GAB2: variants seen among roughly 807,000 people sequenced by gnomAD.
GAB2 encodes the protein GRB2-associated-binding protein 2.
A neutral mutation model predicts 65.5 loss-of-function variants in GAB2; 26 were observed. The ratio of observed to expected loss-of-function variants is 0.40; its 90% CI spans 0.29 to 0.55. The LOEUF is 0.55. Among genes scored for constraint, GAB2 ranks in the 20% least tolerant of loss-of-function variants. The pLI is 0.53. For missense variants in GAB2, 884 were observed against 875.8 expected (o/e 1.01, Z -0.12); for synonymous variants, 321 against 329.6 (o/e 0.97, Z 0.28).
At chr11:78,391,208 T>A (rs1183543193) in intron 1 of GAB2, among the ~76,000 whole-genome samples, 3 of 152,076 alleles carry the variant, frequency 2.0e-5, no homozygotes, top group East Asian at 3.9e-4. Context: ...GTTGGGAGAA[T>A]CGCTTGAGCC....
chr11:78,416,190 A>C (rs1168532965), intron 1 of GAB2, among the ~76,000 whole-genome samples: 2 of 152,194 alleles, frequency 1.3e-5, no homozygotes, highest in Non-Finnish European at 2.9e-5. Context: ...ACTCCTAAAA[A>C]TGAGCTTCCG....
chr11:78,289,999 C>T (rs1866611658), intron 1 of GAB2, among the ~76,000 whole-genome samples: 1 of 151,890 alleles, frequency 6.6e-6, no homozygotes, highest in Non-Finnish European at 1.5e-5. Context: ...TAAGAAGTTT[C>T]ATCTTTCCTT....
At chr11:78,346,076 C>T (rs10501426) in intron 1 of GAB2, among the ~76,000 whole-genome samples, 38,982 of 152,006 alleles carry the variant, frequency 0.26, 5,680 homozygotes, top group East Asian at 0.41. Flanking sequence ...TCACAGAGAA[C>T]AGAGTTTGCT....
intron 2 of GAB2, among the ~76,000 whole-genome samples, chr11:78,268,320 TAG>T (rs754357653): frequency 5.3e-5 from 8 of 152,182 alleles, no homozygotes; most frequent in Non-Finnish European, 1.2e-4. Flanking sequence ...GCACAGATCC[TAG>T]AGAGAGAAGA....
intron 1 of GAB2, among the ~76,000 whole-genome samples, chr11:78,283,051 C>G (rs1406909869): frequency 6.6e-6 from 1 of 152,220 alleles, no homozygotes; most frequent in Non-Finnish European, 1.5e-5. Flanking sequence ...ACTTTTACTT[C>G]AAGTGGCCCC....
At chr11:78,357,447 C>A (rs1450722714) in intron 1 of GAB2, among the ~76,000 whole-genome samples, 1 of 152,114 alleles carries the variant, frequency 6.6e-6, no homozygotes, top group African/African-American at 2.4e-5. Context: ...TTCTGTACAG[C>A]AAAAGACACT....
At chr11:78,255,013 C>T (rs561469544) in intron 2 of GAB2, among the ~76,000 whole-genome samples, 1 of 151,878 alleles carries the variant, frequency 6.6e-6, no homozygotes, top group Admixed American at 6.6e-5. Flanking sequence ...CAGAATGTGA[C>T]CTTACTTGAA....
intron 1 of GAB2, among the ~76,000 whole-genome samples, chr11:78,284,467 C>T (rs73496757): frequency 0.028 from 4,225 of 152,330 alleles, 155 homozygotes; most frequent in African/African-American, 0.088. Flanking sequence ...CTCATCCCAC[C>T]CCTCACCTCA....
intron 2 of GAB2, among the ~76,000 whole-genome samples, chr11:78,258,784 G>T (rs1450764846): frequency 2.6e-5 from 4 of 151,774 alleles, no homozygotes; most frequent in Admixed American, 2.6e-4. Flanking sequence ...ACTTTAAATA[G>T]CACATACAAT....
Position 78,291,567 on chromosome 11 carries a change from T to C in GAB2, c.76-10666A>G, listed in dbSNP as rs1310981365. The stretch of plus-strand genomic sequence containing the variant: ...GACTTACTTTTTTCTTTTTCTTTTT[T>C]TTTTTTTTTTTTTTTTTTTTTTGCG... On this transcript the variant is annotated intron_variant, in intron 1 of 9. Coordinates refer to ENST00000361507, the MANE Select transcript of GAB2 (RefSeq NM_080491.3). 5.9e-3 allele frequency among the ~76,000 whole-genome samples: 595 copies of C among 100,656 alleles called. 20 individuals carry two copies. The highest frequency in any genetic ancestry group is 0.025 in the African/African-American group (562 of 22,608). The allele number at this position is 100,656 out of a possible 152,430, so 66.0% of individuals were successfully genotyped here.
At chr11:78,258,110 A>G (rs112900554) in intron 2 of GAB2, among the ~76,000 whole-genome samples, 4,961 of 152,280 alleles carry the variant, frequency 0.033, 257 homozygotes, top group African/African-American at 0.11. Context: ...CTCTATTTAC[A>G]AAAAGAAGAG....
intron 3 of GAB2, among the ~76,000 whole-genome samples, chr11:78,246,630 C>A (rs1049656519): frequency 6.6e-6 from 1 of 152,070 alleles, no homozygotes; most frequent in African/African-American, 2.4e-5. Context: ...ACCTGAGTAG[C>A]TGGGATTACA....
chr11:78,383,524 C>G (rs1856724293), intron 1 of GAB2, among the ~76,000 whole-genome samples: 1 of 139,256 alleles, frequency 7.2e-6, no homozygotes, highest in African/African-American at 2.7e-5. Context: ...TGGACAAAAT[C>G]ATTTGAGCCC....
chr11:78,232,609 G>C (rs1021006653), intron 3 of GAB2, among the ~76,000 whole-genome samples: 1 of 152,182 alleles, frequency 6.6e-6, no homozygotes, highest in East Asian at 1.9e-4. Context: ...ATTTTAGCAA[G>C]AATACATATT....
chr11:78,243,663 AC>A (rs1183286479), intron 3 of GAB2, among the ~76,000 whole-genome samples: 1 of 151,136 alleles, frequency 6.6e-6, no homozygotes, highest in East Asian at 2.0e-4. Flanking sequence ...ACATGGTGAA[AC>A]CCTGTCTCTA....
chr11:78,291,407 G>A (rs1054785214), intron 1 of GAB2, among the ~76,000 whole-genome samples: 4 of 150,336 alleles, frequency 2.7e-5, no homozygotes, highest in Admixed American at 1.3e-4. Flanking sequence ...CAGAGCTTAC[G>A]GTGAGCGGAG....
At chr11:78,226,343 A>G in intron 4 of GAB2, 122 bp downstream of exon 4, 3 of 763,020 alleles carry the variant, frequency 3.9e-6, no homozygotes, top group South Asian at 1.6e-5. Context: ...GTTTTTGAGT[A>G]TCAGTGACCT....
intron 1 of GAB2, among the ~76,000 whole-genome samples, chr11:78,312,437 A>T (rs375910255): frequency 3.7e-4 from 57 of 152,174 alleles, no homozygotes; most frequent in African/African-American, 1.3e-3. Flanking sequence ...TATTTTATTT[A>T]TTTTTTGAGA....
In GAB2 at chr11:78,280,900, G is replaced by C; in HGVS notation, c.77C>G (p.Ala26Gly). The change falls in exon 2 of 10, where the codon GCC (alanine) becomes GGC (glycine). Residue 26 changes from alanine (A) to glycine (G), a missense_variant and splice_region_variant. By Grantham distance (60) the Ala-to-Gly change is moderately conservative (BLOSUM62 0). Coordinates refer to ENST00000361507, the MANE Select transcript of GAB2 (RefSeq NM_080491.3). Reference protein sequence around the residue: ...SPPEKKLRRYAWKKRWFILRS... With the variant: ...SPPEKKLRRYGWKKRWFILRS... ...CAGGATAAACCAGCGTTTCTTCCAG[G>C]CCTAAATCATATCAGGAAGGAGTAA... 6.2e-7 allele frequency: 1 copy of C among 1,611,964 alleles called. No homozygotes were observed. Among genetic ancestry groups the C allele is most frequent in the Admixed American group, 1.7e-5 (1 of 59,906 alleles).
Sources: allele counts gnomAD v4.1 joint callset (sites outside exome capture counted in the v4.1 genomes callset), GRCh38; gene constraint gnomAD v4.1.1; transcripts MANE v1.5; gene names NCBI Gene and HGNC (gene_info 2026-07-23, HGNC 2026-07-21).